The following CPEB4 variants were observed in gnomAD, a reference collection of about 807,000 sequenced individuals.
CPEB4 encodes cytoplasmic polyadenylation element binding protein 4, also known as cytoplasmic polyadenylation element-binding protein 4.
Under a neutral mutation model 72.5 loss-of-function variants are expected in CPEB4, and 12 were observed. The observed-to-expected ratio is 0.17, with a 90% CI of 0.11 to 0.27. The LOEUF is 0.27. CPEB4 is among the 10% of genes least tolerant of loss of function. The pLI is 1.00. For synonymous variants in CPEB4, 302 were observed against 326.3 expected, an observed-to-expected ratio of 0.93 and a Z score of 0.80; for missense variants, 614 against 908.5, an observed-to-expected ratio of 0.68 and a Z score of 4.17.
rs1755694674 is a variant in CPEB4 at position 173,888,654 on chromosome 5, C to T, written c.-1080C>T. The T allele has an allele frequency of 2.5e-6, 1 of 400,362 alleles. No homozygotes were observed. Among genetic ancestry groups the T allele is most frequent in the African/African-American group, 2.1e-5 (1 of 48,620 alleles). The allele number at this position is 400,362 out of a possible 1,614,324, so 24.8% of individuals were successfully genotyped here. A position where few individuals can be genotyped will look rare whatever the true frequency, so the allele number is the denominator to read the frequency against. On this transcript the variant is annotated 5_prime_UTR_variant, in exon 1 of 10. Transcript: ENST00000265085. The surrounding 1 kb of genome is among the most constrained non-coding windows in gnomAD (Gnocchi z 4.3). ...AAAGCCGAGGGGGGAGGCCCTTCTC[C>T]TTTAAAATAACTACGGTAGTGGGTT...
chr5:173,928,089 G>A lies in CPEB4; in HGVS notation c.1208-4361G>A, dbSNP rs1359292582. On this transcript the variant is annotated intron_variant, in intron 2 of 9. Coordinates refer to ENST00000265085, the MANE Select transcript of CPEB4 (RefSeq NM_030627.4). ...TATGATTCCAACTGTATGATAGTCT[G>A]GAAAAGGCAAGTCTGTGAGACAATA... Among the ~76,000 whole-genome samples the A allele has an allele frequency of 3.9e-5, 6 of 152,296 alleles. No individual in the cohort carries two copies. In the East Asian group the frequency reaches 1.2e-3, roughly 29 times the overall value.
chr5:173,944,540 C>T (rs1757951307), intron 4 of CPEB4, among the ~76,000 whole-genome samples: 1 of 151,174 alleles, frequency 6.6e-6, no homozygotes, highest in African/African-American at 2.4e-5. Flanking sequence ...ACTGTGCAGG[C>T]TATATTGTTT....
chr5:173,892,674 T>A lies in CPEB4; in HGVS notation c.1125+1816T>A, dbSNP rs370457944. On this transcript the variant is annotated intron_variant, in intron 1 of 9. Transcript: ENST00000265085. ...TCAGCTTACTGACTTTTGTTAAGAT[T>A]GCTTTAGGAAAAATGAAAAGTTCAG... Among the ~76,000 whole-genome samples, 79 of 152,304 alleles carry A rather than the reference T, an allele frequency of 5.2e-4. 1 individual carries two copies. The highest frequency in any genetic ancestry group is 6.8e-3 in the Middle Eastern group (2 of 294).
At chr5:173,940,052 G>A (rs1485603671) in intron 3 of CPEB4, among the ~76,000 whole-genome samples, 1 of 151,512 alleles carries the variant, frequency 6.6e-6, no homozygotes, top group East Asian at 1.9e-4. Flanking sequence ...AGGTTGCAGT[G>A]AGCTGAGATC....
chr5:173,900,703 C>A lies in CPEB4; in HGVS notation c.1126-9820C>A, dbSNP rs565978002. Among the ~76,000 whole-genome samples, 1 of 152,286 alleles carries A rather than the reference C, an allele frequency of 6.6e-6. No homozygotes were observed. Among genetic ancestry groups the A allele is most frequent in the East Asian group, 1.9e-4 (1 of 5,182 alleles). The stretch of plus-strand genomic sequence containing the variant: ...ATAGAAAATAGCACAGAATCACTGA[C>A]TTATTCAGATACAACCGATATCTAA... On this transcript the variant is annotated intron_variant, in intron 1 of 9. Coordinates refer to ENST00000265085, the MANE Select transcript of CPEB4 (RefSeq NM_030627.4). This position sits in a 1 kb window ranked among gnomAD's most constrained non-coding sequence, Gnocchi z 4.4.
chr5:173,921,637 G>A (rs1036008319), intron 2 of CPEB4, among the ~76,000 whole-genome samples: 4 of 152,166 alleles, frequency 2.6e-5, no homozygotes, highest in Non-Finnish European at 4.4e-5. Context: ...GGTGCACTCC[G>A]TGTTGTATAA....
chr5:173,925,712 G>A lies in CPEB4; in HGVS notation c.1208-6738G>A, dbSNP rs114123128. ...TCAAGTGGAGTTTGTAAAAACAGAA[G>A]ATGTGCAGGGGTAGGAGGACTACCT... On this transcript the variant is annotated intron_variant, in intron 2 of 9. Coordinates refer to ENST00000265085, the MANE Select transcript of CPEB4 (RefSeq NM_030627.4). 5.5e-3 allele frequency among the ~76,000 whole-genome samples: 834 copies of A among 152,288 alleles called. 11 individuals are homozygous for A. Among genetic ancestry groups the A allele is most frequent in the African/African-American group, 0.019 (777 of 41,544 alleles).
At chr5:173,937,781 T>C (rs1221098373) in intron 3 of CPEB4, among the ~76,000 whole-genome samples, 8 of 152,202 alleles carry the variant, frequency 5.3e-5, no homozygotes, top group Admixed American at 6.5e-5. Flanking sequence ...GTTAGGGACA[T>C]AAGGAAACTA....
intron 2 of CPEB4, among the ~76,000 whole-genome samples, chr5:173,929,765 G>T (rs1757374228): frequency 6.6e-6 from 1 of 152,124 alleles, no homozygotes; most frequent in Admixed American, 6.5e-5. Flanking sequence ...GGTTCATATA[G>T]AACAGCCTTG....
At chr5:173,894,065 T>G (rs1225714806) in intron 1 of CPEB4, among the ~76,000 whole-genome samples, 1 of 152,150 alleles carries the variant, frequency 6.6e-6, no homozygotes, top group Non-Finnish European at 1.5e-5. Context: ...TAATCACAGC[T>G]CACTGCAGCC....
chr5:173,952,704 A>C (rs1401047109), intron 8 of CPEB4, among the ~76,000 whole-genome samples: 1 of 152,224 alleles, frequency 6.6e-6, no homozygotes, highest in African/African-American at 2.4e-5. Flanking sequence ...TTATTACATT[A>C]ATCAATACAT....
At chr5:173,941,049 A>T (rs1053026635) in intron 3 of CPEB4, among the ~76,000 whole-genome samples, 1 of 152,204 alleles carries the variant, frequency 6.6e-6, no homozygotes, top group Non-Finnish European at 1.5e-5. Flanking sequence ...AATGGAAGCC[A>T]TGAGAGTTTT....
intron 2 of CPEB4, among the ~76,000 whole-genome samples, chr5:173,931,177 G>A (rs541964567): frequency 6.6e-6 from 1 of 152,264 alleles, no homozygotes; most frequent in East Asian, 1.9e-4. Context: ...AAGACCTTAA[G>A]TTCCTTTCTA....
rs558434353 is a variant in CPEB4, at chr5:173,898,550, C to T, written c.1125+7692C>T. On this transcript the variant is annotated intron_variant, in intron 1 of 9. Coordinates refer to ENST00000265085, the MANE Select transcript of CPEB4 (RefSeq NM_030627.4). ...ATGAAATATGTCTAATATTTGGCTT[C>T]TAGAAGATTCTATTGTTTTAAGAAA... Among the ~76,000 whole-genome samples the T allele has an allele frequency of 3.9e-5, 6 of 152,168 alleles. No homozygotes were observed. In the East Asian group the frequency reaches 1.2e-3, roughly 29 times the overall value.
chr5:173,894,000 T>G (rs1404289117), intron 1 of CPEB4, among the ~76,000 whole-genome samples: 1 of 152,156 alleles, frequency 6.6e-6, no homozygotes, highest in African/African-American at 2.4e-5. Flanking sequence ...TTTTGTTTGT[T>G]TGTTTCTTTT....
At chr5:173,903,684 AT>A (rs1229158602) in intron 1 of CPEB4, among the ~76,000 whole-genome samples, 1 of 152,224 alleles carries the variant, frequency 6.6e-6, no homozygotes, top group African/African-American at 2.4e-5. Context: ...CTGTGGCATA[AT>A]TACAATTTGG....
chr5:173,909,321 C>T (rs1354596235), intron 1 of CPEB4, among the ~76,000 whole-genome samples: 1 of 152,110 alleles, frequency 6.6e-6, no homozygotes, highest in Non-Finnish European at 1.5e-5. Flanking sequence ...TCCTTTTATT[C>T]TTTATTTACC....
chr5:173,906,963 T>C (rs1262707490), intron 1 of CPEB4, among the ~76,000 whole-genome samples: 1 of 152,200 alleles, frequency 6.6e-6, no homozygotes, highest in East Asian at 1.9e-4. Context: ...CCATTCATAA[T>C]ACCACATTTA....
At chr5:173,948,793 A>C (rs955113709) in intron 5 of CPEB4, among the ~76,000 whole-genome samples, 3 of 152,126 alleles carry the variant, frequency 2.0e-5, no homozygotes, top group African/African-American at 4.8e-5. Context: ...TAATCTTCTT[A>C]TTGTACACTC....
Sources: allele counts gnomAD v4.1 joint callset (sites outside exome capture counted in the v4.1 genomes callset), GRCh38; gene constraint gnomAD v4.1.1; non-coding constraint Gnocchi (gnomAD v3.1); transcripts MANE v1.5; gene names NCBI Gene and HGNC (gene_info 2026-07-23, HGNC 2026-07-21).